PRRT4: variants seen among roughly 807,000 people sequenced by gnomAD.
PRRT4 encodes the protein proline-rich transmembrane protein 4.
Under a neutral mutation model 55.6 loss-of-function variants are expected in PRRT4, and 59 were observed. The observed-to-expected ratio is 1.06, with a 90% CI of 0.86 to 1.32. The LOEUF is 1.32. PRRT4 is among the 40% of genes most tolerant of loss of function. The pLI is 0.00. For missense variants in PRRT4, 1,217 were observed against 1,222.0 expected, an observed-to-expected ratio of 1.00 and a Z score of 0.06; for synonymous variants, 606 against 601.8, an observed-to-expected ratio of 1.01 and a Z score of -0.10.
intron 1 of PRRT4, 130 bp from the exon 3 acceptor site, chr7:128,360,193 G>C (rs1166481801): frequency 3.1e-5 from 13 of 415,104 alleles, no homozygotes; most frequent in Non-Finnish European, 1.7e-5. Context: ...AAAGTGTCCT[G>C]TCCATGGCTC....
exon 5 of PRRT4, chr7:128,351,216 G>A: frequency 6.5e-7 from 1 of 1,540,264 alleles, no homozygotes; most frequent in Non-Finnish European, 8.7e-7. Flanking sequence ...CGGGGCCAGA[G>A]GCCTCCCCTG....
exon 5 of PRRT4, chr7:128,351,074 A>C: frequency 1.3e-6 from 2 of 1,549,210 alleles, no homozygotes; most frequent in African/African-American, 1.4e-5. Context: ...ACCAGAGGGC[A>C]GCGCGGGGGC....
chr7:128,351,958 G>C (rs762822153), exon 5 of PRRT4: 1 of 1,300,112 alleles, frequency 7.7e-7, no homozygotes, highest in Admixed American at 4.0e-5. Context: ...CTTGAAGCCC[G>C]ACCCTCCCAG....
At chr7:128,361,364 G>C (rs1051630359) in intron 1 of PRRT4, 1 of 152,182 alleles carries the variant, frequency 6.6e-6, no homozygotes, top group Non-Finnish European at 1.5e-5. Context: ...GAAAAGGGGC[G>C]GTCGTGGCGG....
At chr7:128,359,388 T>C in exon 2 of PRRT4, 1 of 1,467,364 alleles carries the variant, frequency 6.8e-7, no homozygotes, top group East Asian at 2.5e-5. Flanking sequence ...GCCCGCAGGC[T>C]GGGCAGCAGG....
At chr7:128,354,212 A>G (rs922093682) in intron 4 of PRRT4, among the ~76,000 whole-genome samples, 2 of 152,042 alleles carry the variant, frequency 1.3e-5, no homozygotes, top group African/African-American at 4.8e-5. Flanking sequence ...ACACAGGAAG[A>G]CCCCAGGAGC....
At chr7:128,351,348 G>A in exon 5 of PRRT4, 1 of 1,547,294 alleles carries the variant, frequency 6.5e-7, no homozygotes. Flanking sequence ...CCTCGCTGCA[G>A]AGGGCCTCCT....
exon 5 of PRRT4, chr7:128,351,977 C>G: frequency 7.7e-7 from 1 of 1,297,922 alleles, no homozygotes; most frequent in Non-Finnish European, 9.8e-7. Flanking sequence ...AGGGGCGCCC[C>G]GGCCCGCCGC....
At chr7:128,359,032 G>A in intron 3 of PRRT4, 117 bp downstream of exon 4, 1 of 1,255,952 alleles carries the variant, frequency 8.0e-7, no homozygotes, top group South Asian at 1.3e-5. Context: ...CCATATCCTA[G>A]GGCCTGGAAG....
chr7:128,359,343 A>T, exon 2 of PRRT4: 1 of 1,482,308 alleles, frequency 6.7e-7, no homozygotes, highest in Non-Finnish European at 8.9e-7. Flanking sequence ...TACTCACCAA[A>T]GGGTCCCAGG....
Position 128,351,989 on chromosome 7 carries a change from G to GC in PRRT4, c.1566dup (p.Arg523AlafsTer56). 4 of 1,304,670 alleles carry GC rather than the reference G, an allele frequency of 3.1e-6. No individual in the cohort carries two copies. Among genetic ancestry groups the GC allele is most frequent in the Middle Eastern group, 2.9e-4 (1 of 3,440 alleles). The allele number at this position is 1,304,670 out of a possible 1,614,324, so 80.8% of individuals were successfully genotyped here. ...CCCAGGGGCGCCCCGGCCCGCCGCCGCCGCCCGCCCCAGCAGGAGAGCGCC... is the reference window on the plus strand; with the variant it reads ...CCCAGGGGCGCCCCGGCCCGCCGCCGCCCGCCCGCCCCAGCAGGAGAGCGCC... On this transcript the variant is annotated frameshift_variant, in exon 5 of 5. Transcript: ENST00000535159. LOFTEE classifies it high-confidence loss of function.
At chr7:128,360,549 G>C (rs1000739643) in intron 1 of PRRT4, among the ~76,000 whole-genome samples, 8 of 152,148 alleles carry the variant, frequency 5.3e-5, no homozygotes, top group East Asian at 1.9e-4. Flanking sequence ...CAGACCCCAG[G>C]GGGCACAGGG....
Position 128,358,761 on chromosome 7 carries a change from A to G in PRRT4, c.797T>C (p.Leu266Pro). ...ACTTGGGCTGGAGAGCTTCCTCTCCAGGGAGTATGGGGGCAGGGACAGAGT... is the reference window on the plus strand; with the variant it reads ...ACTTGGGCTGGAGAGCTTCCTCTCCGGGGAGTATGGGGGCAGGGACAGAGT... The change falls in exon 4 of 5, where the codon CTG becomes CCG. Residue 266 changes from leucine (L) to proline (P), a missense_variant. By Grantham distance (98) the Leu-to-Pro change is moderately conservative (BLOSUM62 -3). Transcript: ENST00000535159. This position sits in a 1 kb window ranked among gnomAD's most constrained non-coding sequence, Gnocchi z 4.4. 1.3e-6 allele frequency: 2 copies of G among 1,551,588 alleles called. No individual in the cohort carries two copies. The highest frequency in any genetic ancestry group is 1.7e-6 in the Non-Finnish European group (2 of 1,146,910).
At chr7:128,354,088 G>A (rs1797059366) in intron 4 of PRRT4, among the ~76,000 whole-genome samples, 1 of 152,174 alleles carries the variant, frequency 6.6e-6, no homozygotes, top group South Asian at 2.1e-4. Context: ...GAAGGATGTG[G>A]ACAGCCTGGC....
rs560721318 is a variant in PRRT4, at chr7:128,355,709, T to C, written c.877+2972A>G. The stretch of plus-strand genomic sequence containing the variant: ...CCAACCCACTTCCTCTGCAAAGTGA[T>C]TGGGTTTGCTCCATCTCTCTTTGGC... On this transcript the variant is annotated intron_variant, in intron 4 of 4. Transcript: ENST00000535159. Among the ~76,000 whole-genome samples the C allele has an allele frequency of 2.0e-5, 3 of 152,272 alleles. No individual in the cohort carries two copies. In the South Asian group the frequency reaches 6.2e-4, roughly 32 times the overall value.
At chr7:128,355,068 CG>C (rs1562967962) in intron 4 of PRRT4, among the ~76,000 whole-genome samples, 1 of 152,212 alleles carries the variant, frequency 6.6e-6, no homozygotes. Flanking sequence ...CTAAAGGCTG[CG>C]GTCTGTTTTC....
Position 128,358,142 on chromosome 7 carries a change from G to A in PRRT4, c.877+539C>T, listed in dbSNP as rs183772134. ...TTCAAAGCCAGGTCTCAAGATTCCC[G>A]AGCCTGTGGTCTTTCCTCGTACCAC... is the stretch of plus-strand genomic sequence containing the variant. On this transcript the variant is annotated intron_variant, in intron 4 of 4. Transcript: ENST00000535159. This position sits in a 1 kb window ranked among gnomAD's most constrained non-coding sequence, Gnocchi z 4.4. Among the ~76,000 whole-genome samples, 116 of 152,298 alleles carry A rather than the reference G, an allele frequency of 7.6e-4. No individual in the cohort carries two copies. Among genetic ancestry groups the A allele is most frequent in the Admixed American group, 1.6e-3 (25 of 15,304 alleles).
exon 5 of PRRT4, chr7:128,351,973 G>A: frequency 1.5e-6 from 2 of 1,297,102 alleles, no homozygotes; most frequent in East Asian, 3.2e-5. Flanking sequence ...TCCCAGGGGC[G>A]CCCCGGCCCG....
intron 4 of PRRT4, among the ~76,000 whole-genome samples, chr7:128,356,270 AAAAT>A (rs986471868): frequency 5.3e-5 from 8 of 152,136 alleles, no homozygotes; most frequent in African/African-American, 1.9e-4. Context: ...AAATAAATAA[AAAAT>A]AAAATAAAAT....
Sources: allele counts gnomAD v4.1 joint callset (sites outside exome capture counted in the v4.1 genomes callset), GRCh38; gene constraint gnomAD v4.1.1; non-coding constraint Gnocchi (gnomAD v3.1); transcripts MANE v1.5; gene names NCBI Gene and HGNC (gene_info 2026-07-23, HGNC 2026-07-21).